The following RIGI variants were observed in gnomAD, a reference collection of about 807,000 sequenced individuals.
RIGI encodes the protein antiviral innate immune response receptor RIG-I.
chr9:32,457,373 C>A, the RIGI span: 4 of 1,613,244 alleles, frequency 2.5e-6, no homozygotes, highest in African/African-American at 2.7e-5. Flanking sequence ...GGTCTACTCA[C>A]AAAGCATTCC....
chr9:32,466,442 C>T, the RIGI span: 1 of 1,593,282 alleles, frequency 6.3e-7, no homozygotes, highest in South Asian at 1.1e-5. Flanking sequence ...CTTCCTCTGC[C>T]TATTAGAAAA....
At chr9:32,467,592 T>G in the RIGI span, among the ~76,000 whole-genome samples, 8 of 152,324 alleles carry the variant, frequency 5.3e-5, no homozygotes, top group South Asian at 1.5e-3. Context: ...AGAGTTTATG[T>G]TAGTGAACAA....
chr9:32,492,527 A>C, the RIGI span: 1 of 1,614,176 alleles, frequency 6.2e-7, no homozygotes, highest in Non-Finnish European at 8.5e-7. Flanking sequence ...TCATCCCCTT[A>C]GTAGAGCAAA....
the RIGI span, among the ~76,000 whole-genome samples, chr9:32,478,965 C>T: frequency 2.6e-5 from 4 of 152,124 alleles, no homozygotes; most frequent in Non-Finnish European, 4.4e-5. Flanking sequence ...AAACATTCTC[C>T]CAGTTTTTGA....
the RIGI span, among the ~76,000 whole-genome samples, chr9:32,469,100 A>G: frequency 6.6e-6 from 1 of 152,202 alleles, no homozygotes; most frequent in East Asian, 1.9e-4. Flanking sequence ...TGACAGAGCC[A>G]TAACAAGGAA....
the RIGI span, among the ~76,000 whole-genome samples, chr9:32,517,636 T>C: frequency 6.6e-6 from 1 of 152,246 alleles, no homozygotes; most frequent in South Asian, 2.1e-4. Flanking sequence ...GGTATCAGAG[T>C]TTGGCAGCAG....
At chr9:32,473,680 T>C in the RIGI span, among the ~76,000 whole-genome samples, 1 of 152,196 alleles carries the variant, frequency 6.6e-6, no homozygotes, top group Non-Finnish European at 1.5e-5. Flanking sequence ...AGGAGATCAA[T>C]ATACATAATT....
chr9:32,526,146 G>T, the RIGI span: 8 of 1,613,382 alleles, frequency 5.0e-6, no homozygotes, highest in Non-Finnish European at 5.9e-6. Context: ...CTTGCAGGCT[G>T]CGTCGCTGCT....
chr9:32,501,344 AAAT>A, the RIGI span, among the ~76,000 whole-genome samples: 36,509 of 123,688 alleles, frequency 0.3, 4,502 homozygotes, highest in South Asian at 0.41. Context: ...AAAAAAAAAA[AAAT>A]TTTTTTAATT....
At chr9:32,503,905 G>A in the RIGI span, among the ~76,000 whole-genome samples, 19 of 152,196 alleles carry the variant, frequency 1.2e-4, no homozygotes, top group African/African-American at 1.9e-4. Flanking sequence ...AGCCAGGCGC[G>A]GTGGCTGGTG....
At chr9:32,482,082 T>C in the RIGI span, among the ~76,000 whole-genome samples, 2 of 152,138 alleles carry the variant, frequency 1.3e-5, no homozygotes, top group African/African-American at 4.8e-5. Flanking sequence ...CCCATTGAGA[T>C]AACACCACTG....
chr9:32,500,717 C>T, the RIGI span: 3 of 1,498,184 alleles, frequency 2.0e-6, no homozygotes, highest in Non-Finnish European at 2.7e-6. Flanking sequence ...TAAGTGGATA[C>T]TTCAAATTTA....
At chr9:32,484,283 C>CA in the RIGI span, among the ~76,000 whole-genome samples, 1 of 151,916 alleles carries the variant, frequency 6.6e-6, no homozygotes, top group African/African-American at 2.4e-5. Flanking sequence ...CAGAGGTAGG[C>CA]AAAATCAGCT....
At chr9:32,499,719 G>A in the RIGI span, among the ~76,000 whole-genome samples, 27 of 152,026 alleles carry the variant, frequency 1.8e-4, no homozygotes, top group East Asian at 4.9e-3. Context: ...TCCTCCCAAA[G>A]TGCTGGGATT....
At chr9:32,466,668 G>C in the RIGI span, among the ~76,000 whole-genome samples, 1 of 136,480 alleles carries the variant, frequency 7.3e-6, no homozygotes, top group Non-Finnish European at 1.5e-5. Context: ...CTCTAGCCTG[G>C]GTGACAGAGC....
At chr9:32,474,324 TAAAAG>T in the RIGI span, among the ~76,000 whole-genome samples, 2 of 150,318 alleles carry the variant, frequency 1.3e-5, no homozygotes, top group Non-Finnish European at 3.0e-5. Context: ...AAAACACTGA[TAAAAG>T]AAACCAAAGA....
the RIGI span, among the ~76,000 whole-genome samples, chr9:32,521,340 T>G: frequency 6.6e-6 from 1 of 151,958 alleles, no homozygotes; most frequent in Non-Finnish European, 1.5e-5. Context: ...GAGTGAACTG[T>G]GGGGGGAAGA....
At chr9:32,498,292 T>C in the RIGI span, 7 of 456,700 alleles carry the variant, frequency 1.5e-5, no homozygotes, top group South Asian at 3.1e-5. Context: ...ATGGGTCCCA[T>C]AGAAAGGCAT....
the RIGI span, chr9:32,488,925 AT>A: frequency 6.5e-7 from 1 of 1,526,748 alleles, no homozygotes. Context: ...CATGTAACTC[AT>A]ATATTAGATA....
Sources: gnomAD v4.1 joint callset for allele counts (sites outside exome capture counted in the v4.1 genomes callset) on GRCh38, gnomAD v4.1.1 for gene constraint, MANE v1.5 for transcripts, NCBI Gene and HGNC (gene_info 2026-07-23, HGNC 2026-07-21) for gene names.